DNM3: variants seen among roughly 807,000 people sequenced by gnomAD.
The protein encoded by DNM3 is dynamin 3, also known as dynamin-3.
A neutral mutation model predicts 101.6 loss-of-function variants in DNM3; 47 were observed. The ratio of observed to expected loss-of-function variants is 0.46; its 90% confidence interval spans 0.37 to 0.59. DNM3 has a LOEUF of 0.59. Ranked by LOEUF, DNM3 falls within the 20% of genes least tolerant of loss-of-function variation. The pLI is 0.00. For missense variants in DNM3, 849 were observed against 1,085.7 expected, an observed-to-expected ratio of 0.78 and a Z score of 3.06; for synonymous variants, 385 against 387.9, an observed-to-expected ratio of 0.99 and a Z score of 0.09.
intron 2 of DNM3, among the ~76,000 whole-genome samples, chr1:171,960,546 A>G (rs2043150614): frequency 6.6e-6 from 1 of 152,212 alleles, no homozygotes. Context: ...AGGCTCTGCC[A>G]TCATGAATGG....
chr1:171,979,297 G>GT (rs1361744359), intron 2 of DNM3, among the ~76,000 whole-genome samples: 1 of 152,094 alleles, frequency 6.6e-6, no homozygotes, highest in Non-Finnish European at 1.5e-5. Flanking sequence ...TTGGAATATA[G>GT]TTTATCTTTT....
chr1:171,973,903 G>A (rs1467205435), intron 2 of DNM3, among the ~76,000 whole-genome samples: 1 of 152,026 alleles, frequency 6.6e-6, no homozygotes, highest in East Asian at 1.9e-4. Flanking sequence ...GAGCTCACGT[G>A]ATCCTCCCGC....
intron 15 of DNM3, among the ~76,000 whole-genome samples, chr1:172,258,146 C>A (rs1436669893): frequency 2.6e-5 from 4 of 151,988 alleles, no homozygotes; most frequent in Non-Finnish European, 4.4e-5. Context: ...TAGTATTCCA[C>A]TGTGTAAATA....
In DNM3 at chr1:171,875,842, C is replaced by T. The variant is rs532028858; in HGVS notation, c.161+34025C>T. The stretch of plus-strand genomic sequence containing the variant: ...TTTTTTTTTTTTTGAGATGGAGTAT[C>T]GTTCTGTCGCCAGGCTGGAGTGCAG... On this transcript the variant is annotated intron_variant, in intron 1 of 20. Transcript: ENST00000627582. Among the ~76,000 whole-genome samples, 88 of 61,184 alleles carry T rather than the reference C, an allele frequency of 1.4e-3. 1 individual carries two copies. Among genetic ancestry groups the T allele is most frequent in the African/African-American group, 7.2e-3 (81 of 11,214 alleles). 40.1% of individuals were successfully genotyped at this position (61,184 alleles called of 152,430 possible).
chr1:172,039,931 G>A (rs2049251237), intron 7 of DNM3, among the ~76,000 whole-genome samples: 1 of 152,062 alleles, frequency 6.6e-6, no homozygotes, highest in Non-Finnish European at 1.5e-5. Flanking sequence ...ACAATTAATT[G>A]TGTTAAAGCT....
At chr1:172,371,428 G>C (rs913116535) in intron 17 of DNM3, among the ~76,000 whole-genome samples, 1 of 151,896 alleles carries the variant, frequency 6.6e-6, no homozygotes, top group Non-Finnish European at 1.5e-5. Flanking sequence ...ATTCAAGCTC[G>C]TATATATAAA....
chr1:171,991,250 AC>A (rs1286087673), intron 4 of DNM3, among the ~76,000 whole-genome samples: 1 of 152,112 alleles, frequency 6.6e-6, no homozygotes, highest in Non-Finnish European at 1.5e-5. Flanking sequence ...GATACTATTT[AC>A]CTGGAAATAG....
At chr1:172,225,357 G>A (rs1334218446) in intron 14 of DNM3, among the ~76,000 whole-genome samples, 4 of 151,510 alleles carry the variant, frequency 2.6e-5, no homozygotes, top group Admixed American at 1.3e-4. Context: ...GGATGGTCTC[G>A]ATCTCTTGAC....
At chr1:171,894,114 G>A (rs1340662282) in intron 1 of DNM3, among the ~76,000 whole-genome samples, 1 of 150,476 alleles carries the variant, frequency 6.6e-6, no homozygotes, top group Non-Finnish European at 1.5e-5. Context: ...GAGCCACAGC[G>A]CCTGGCCCAA....
chr1:171,925,937 T>C (rs1271256206), intron 2 of DNM3, among the ~76,000 whole-genome samples: 1 of 152,328 alleles, frequency 6.6e-6, no homozygotes, highest in East Asian at 1.9e-4. Context: ...TAGGCAGTTT[T>C]CCCAACACCA....
At chr1:171,960,673 A>C (rs952575914) in intron 2 of DNM3, among the ~76,000 whole-genome samples, 3 of 152,118 alleles carry the variant, frequency 2.0e-5, no homozygotes, top group African/African-American at 7.2e-5. Flanking sequence ...TTAGGAGAGC[A>C]GTAAAGGATA....
chr1:172,009,601 G>T (rs776859934), intron 4 of DNM3, among the ~76,000 whole-genome samples: 1 of 151,710 alleles, frequency 6.6e-6, no homozygotes, highest in African/African-American at 2.4e-5. Flanking sequence ...TCTTGGAAAA[G>T]TCAATACAGT....
rs2033000952 is a variant in DNM3 at position 171,851,763 on chromosome 1, T to TATCATGA, written c.161+9950_161+9951insTGAATCA. Among the ~76,000 whole-genome samples the TATCATGA allele has an allele frequency of 5.3e-5, 8 of 152,356 alleles. No homozygotes were observed. The South Asian group carries it at 1.7e-3, about 32-fold the overall frequency. ...ATTGTGACCTAATAGTGGGCCATGA[T>TATCATGA]ATCAGTTTAGTAGATGGTGTGTGAC... On this transcript the variant is annotated intron_variant, in intron 1 of 20. Transcript: ENST00000627582.
chr1:172,323,568 G>A (rs1226044521), intron 17 of DNM3, among the ~76,000 whole-genome samples: 8 of 152,100 alleles, frequency 5.3e-5, no homozygotes, highest in Non-Finnish European at 1.2e-4. Flanking sequence ...AGGGTCTAAT[G>A]GCTAGTTCAG....
intron 14 of DNM3, chr1:172,131,748 C>G: frequency 3.0e-6 from 1 of 335,202 alleles, no homozygotes; most frequent in Non-Finnish European, 5.8e-6. Flanking sequence ...TAAGAACGTC[C>G]ACATCGCTAG....
chr1:172,217,687 C>G (rs1179306824), intron 14 of DNM3, among the ~76,000 whole-genome samples: 3 of 152,130 alleles, frequency 2.0e-5, no homozygotes, highest in Non-Finnish European at 2.9e-5. Flanking sequence ...GTGCTCCACT[C>G]TCTCCTTACT....
chr1:172,149,794 A>G (rs920332869), intron 14 of DNM3, among the ~76,000 whole-genome samples: 2 of 152,128 alleles, frequency 1.3e-5, no homozygotes, highest in Non-Finnish European at 2.9e-5. Flanking sequence ...AAATACCTGT[A>G]TGTGCATAAT....
chr1:172,353,656 T>A (rs778404605), intron 17 of DNM3, among the ~76,000 whole-genome samples: 3 of 152,154 alleles, frequency 2.0e-5, no homozygotes, highest in Admixed American at 2.0e-4. Context: ...AACTTGAATT[T>A]TCATTTTATG....
intron 16 of DNM3, among the ~76,000 whole-genome samples, chr1:172,319,466 T>G (rs1445127371): frequency 6.6e-6 from 1 of 152,050 alleles, no homozygotes; most frequent in Non-Finnish European, 1.5e-5. Flanking sequence ...GGGAGAAAAT[T>G]TTTGCAACCT....
Sources: gnomAD v4.1 joint callset for allele counts (sites outside exome capture counted in the v4.1 genomes callset) on GRCh38, gnomAD v4.1.1 for gene constraint, MANE v1.5 for transcripts, NCBI Gene and HGNC (gene_info 2026-07-23, HGNC 2026-07-21) for gene names.